PXDNL: variants seen among roughly 807,000 people sequenced by gnomAD.
PXDNL encodes peroxidasin like, also known as probable oxidoreductase PXDNL.
Under a neutral mutation model 150.8 loss-of-function variants are expected in PXDNL, and 145 were observed. The ratio of observed to expected loss-of-function variants is 0.96; its 90% CI spans 0.84 to 1.10. The LOEUF (loss-of-function observed/expected upper bound fraction) is 1.10, where lower values mean the gene tolerates loss of function less well. Among genes scored for constraint, PXDNL ranks in the 50% least tolerant of loss-of-function variants. The pLI is 0.00. For missense variants in PXDNL, 2,087 were observed against 1,873.9 expected (o/e 1.11, Z -2.10); for synonymous variants, 757 against 725.7 (o/e 1.04, Z -0.69).
At chr8:51,529,573 A>T (rs1811846589) in intron 4 of PXDNL, among the ~76,000 whole-genome samples, 1 of 152,014 alleles carries the variant, frequency 6.6e-6, no homozygotes, top group Non-Finnish European at 1.5e-5. Flanking sequence ...CAAACATTAA[A>T]TCTCTTTCTT....
chr8:51,787,999 G>A (rs1324988319), intron 1 of PXDNL, among the ~76,000 whole-genome samples: 5 of 152,154 alleles, frequency 3.3e-5, no homozygotes, highest in Non-Finnish European at 7.3e-5. Context: ...CTTGGCGAAG[G>A]CTCCAATGAT....
chr8:51,349,068 A>G (rs1217638257), intron 19 of PXDNL, among the ~76,000 whole-genome samples: 1 of 152,176 alleles, frequency 6.6e-6, no homozygotes, highest in Non-Finnish European at 1.5e-5. Flanking sequence ...ACATGCGGGT[A>G]TGAATTACAG....
At chr8:51,748,905 CAG>C (rs2037014063) in intron 1 of PXDNL, among the ~76,000 whole-genome samples, 2 of 152,136 alleles carry the variant, frequency 1.3e-5, no homozygotes, top group African/African-American at 4.8e-5. Context: ...TAAAAATAAG[CAG>C]AATGCATTTC....
chr8:51,758,910 A>G (rs992671043), intron 1 of PXDNL, among the ~76,000 whole-genome samples: 6 of 152,214 alleles, frequency 3.9e-5, no homozygotes, highest in Admixed American at 3.9e-4. Flanking sequence ...TGAGCAACAA[A>G]GCAGTGACTC....
chr8:51,625,467 A>G (rs1413002772), intron 2 of PXDNL, among the ~76,000 whole-genome samples: 1 of 152,224 alleles, frequency 6.6e-6, no homozygotes, highest in African/African-American at 2.4e-5. Flanking sequence ...AACCAACTGC[A>G]TAGACTCTTT....
intron 17 of PXDNL, among the ~76,000 whole-genome samples, chr8:51,399,192 T>A (rs1808174284): frequency 6.6e-6 from 1 of 152,152 alleles, no homozygotes; most frequent in African/African-American, 2.4e-5. Flanking sequence ...TAAAGTTAAA[T>A]ACAGAGTTAC....
At chr8:51,669,879 C>A (rs539924438) in intron 1 of PXDNL, among the ~76,000 whole-genome samples, 61 of 152,282 alleles carry the variant, frequency 4.0e-4, no homozygotes, top group African/African-American at 1.4e-3. Context: ...TAAATATACT[C>A]CATCTTTTCA....
chr8:51,689,569 C>T (rs886882194), intron 1 of PXDNL, among the ~76,000 whole-genome samples: 2 of 151,644 alleles, frequency 1.3e-5, no homozygotes, highest in Non-Finnish European at 2.9e-5. Flanking sequence ...GGCTATTATC[C>T]GACTCTTTTT....
chr8:51,705,848 CGCGCGT>C (rs1816367698), intron 1 of PXDNL, among the ~76,000 whole-genome samples: 1 of 125,822 alleles, frequency 7.9e-6, no homozygotes. Context: ...CGCGCGCGCG[CGCGCGT>C]GCATGCACAT....
At chr8:51,332,490 C>A (rs115408517) in intron 21 of PXDNL, among the ~76,000 whole-genome samples, 4 of 150,746 alleles carry the variant, frequency 2.7e-5, no homozygotes, top group African/African-American at 9.8e-5. Context: ...CCCTGACTTA[C>A]GAGAAAAAGA....
At chr8:51,446,959 G>A in intron 12 of PXDNL, 45 bp downstream of exon 12, 1 of 1,589,942 alleles carries the variant, frequency 6.3e-7, no homozygotes. Flanking sequence ...GACACAGGCA[G>A]AAGGCACACT....
intron 1 of PXDNL, among the ~76,000 whole-genome samples, chr8:51,734,372 G>A (rs1278999886): frequency 6.6e-6 from 1 of 152,168 alleles, no homozygotes; most frequent in Non-Finnish European, 1.5e-5. Flanking sequence ...TTGGCATACG[G>A]TTTAGATAAA....
At chr8:51,675,673 G>A (rs1563503340) in intron 1 of PXDNL, among the ~76,000 whole-genome samples, 1 of 151,378 alleles carries the variant, frequency 6.6e-6, no homozygotes, top group African/African-American at 2.4e-5. Flanking sequence ...TGTGCCTGTA[G>A]TCCCAGCTAC....
At chr8:51,450,842 G>T (rs180813183) in intron 10 of PXDNL, among the ~76,000 whole-genome samples, 1 of 152,054 alleles carries the variant, frequency 6.6e-6, no homozygotes, top group African/African-American at 2.4e-5. Context: ...AATTTCTCTC[G>T]GTCAGAACTA....
At chr8:51,470,756 T>C (rs1406986017) in intron 8 of PXDNL, among the ~76,000 whole-genome samples, 1 of 152,110 alleles carries the variant, frequency 6.6e-6, no homozygotes, top group East Asian at 1.9e-4. Flanking sequence ...ATTTAATAAA[T>C]GGTATTGGGA....
At chr8:51,654,205 AT>A (rs904034972) in intron 2 of PXDNL, among the ~76,000 whole-genome samples, 1 of 152,142 alleles carries the variant, frequency 6.6e-6, no homozygotes, top group Non-Finnish European at 1.5e-5. Context: ...TAAAGTTGTC[AT>A]TTTTTTCTCT....
intron 2 of PXDNL, among the ~76,000 whole-genome samples, chr8:51,602,929 A>T (rs1434619562): frequency 6.6e-6 from 1 of 151,478 alleles, no homozygotes; most frequent in Non-Finnish European, 1.5e-5. Flanking sequence ...TCCTGAATCT[A>T]AGATTACATT....
intron 12 of PXDNL, among the ~76,000 whole-genome samples, chr8:51,428,014 C>T (rs1809154247): frequency 6.6e-6 from 1 of 152,102 alleles, no homozygotes; most frequent in Non-Finnish European, 1.5e-5. Context: ...GTGAGTTCAC[C>T]AAGGTCTCTG....
At chr8:51,576,032 A>G (rs1464007978) in intron 3 of PXDNL, among the ~76,000 whole-genome samples, 3 of 151,728 alleles carry the variant, frequency 2.0e-5, no homozygotes, top group East Asian at 1.9e-4. Flanking sequence ...AGCAAAAAAT[A>G]GAACTGACGA....
Sources: gnomAD v4.1 joint callset for allele counts (sites outside exome capture counted in the v4.1 genomes callset) on GRCh38, gnomAD v4.1.1 for gene constraint, MANE v1.5 for transcripts, NCBI Gene and HGNC (gene_info 2026-07-23, HGNC 2026-07-21) for gene names.